Variants in FAT3 observed in about 807,000 individuals in gnomAD.
FAT3 encodes the protein protocadherin Fat 3.
A neutral mutation model predicts 310.2 loss-of-function variants in FAT3; 95 were observed. The observed-to-expected ratio is 0.31, with a 90% CI of 0.26 to 0.36. FAT3 has a LOEUF of 0.36. Ranked by LOEUF, FAT3 falls within the 10% of genes least tolerant of loss-of-function variation. FAT3 has a pLI of 1.00. For missense variants in FAT3, 5,408 were observed against 5,715.6 expected, an observed-to-expected ratio of 0.95 and a Z score of 1.74; for synonymous variants, 2,314 against 2,192.9, an observed-to-expected ratio of 1.06 and a Z score of -1.54.
At position 92,806,348 on chromosome 11, in the gene FAT3, T is replaced by C; in HGVS notation, c.9094-14T>C. ...ATACTAATGATTTTATTACCTTTCT[T>C]CACCTTTGTCCAGGTTGCATATACA... is the stretch of plus-strand genomic sequence containing the variant. On this transcript the variant is annotated splice_polypyrimidine_tract_variant and intron_variant, in intron 11 of 27. Coordinates refer to ENST00000525166, the MANE Select transcript of FAT3 (RefSeq NM_001367949.2). The C allele has an allele frequency of 1.3e-6, 2 of 1,590,750 alleles. No individual in the cohort carries two copies. Among genetic ancestry groups the C allele is most frequent in the East Asian group, 2.2e-5 (1 of 44,470 alleles).
chr11:92,635,291 A>G (rs915650282), intron 3 of FAT3, among the ~76,000 whole-genome samples: 10 of 152,172 alleles, frequency 6.6e-5, no homozygotes, highest in Middle Eastern at 3.4e-3. Flanking sequence ...TTAAGACAAA[A>G]TTTTCAGCAG....
intron 3 of FAT3, among the ~76,000 whole-genome samples, chr11:92,622,249 A>G (rs1773497401): frequency 6.6e-6 from 1 of 150,962 alleles, no homozygotes; most frequent in South Asian, 2.1e-4. Context: ...ATGCCACTGG[A>G]CTCCAGCATA....
Position 92,355,155 on chromosome 11 carries a change from A to G in FAT3, c.3043A>G (p.Lys1015Glu). 2 of 1,613,800 alleles carry G rather than the reference A, an allele frequency of 1.2e-6. No homozygotes were observed. The highest frequency in any genetic ancestry group is 1.7e-6 in the Non-Finnish European group (2 of 1,179,840). ...TAACCTTACTGTGCGGGCCAAAGAC[A>G]AAGGGCGGCCTGTCTCTCTGTCATC... ...FYNLTVRAKD[K>E]GRPVSLSSVS... Residue 1015 changes from lysine (K) to glutamate (E), a missense_variant, in exon 2 of 28, where the codon AAA becomes GAA. Physicochemically the swap from Lys to Glu is moderately conservative, Grantham distance 56. Around this residue, in one of 5 missense-constraint regions of FAT3, gnomAD observed 4,588 missense variants for 4,809.8 expected, o/e 0.95. Transcript: ENST00000525166.
intron 2 of FAT3, among the ~76,000 whole-genome samples, chr11:92,442,109 A>ATTTTTTTTTTT (rs1258493776): frequency 1.8e-4 from 9 of 50,084 alleles, no homozygotes; most frequent in African/African-American, 1.3e-3. Flanking sequence ...ATATATATAT[A>ATTTTTTTTTTT]TATTTTTTTT....
intron 14 of FAT3, among the ~76,000 whole-genome samples, chr11:92,832,411 T>G (rs1484152956): frequency 6.6e-6 from 1 of 151,976 alleles, no homozygotes. Context: ...CAGCCCTTCT[T>G]GGTGGACTCT....
At chr11:92,806,609 TATACTTACTCTTATAGG>T in intron 12 of FAT3, 94 bp downstream of exon 12, 1 of 1,062,548 alleles carries the variant, frequency 9.4e-7, no homozygotes, top group Non-Finnish European at 1.3e-6. Flanking sequence ...TAGTTAGTAG[TATACTTACTCTTATAGG>T]GATGGAGGGA....
intron 4 of FAT3, among the ~76,000 whole-genome samples, chr11:92,736,370 A>G (rs1017403425): frequency 4.6e-5 from 7 of 152,292 alleles, no homozygotes; most frequent in African/African-American, 1.7e-4. Flanking sequence ...AGAGCAAGCC[A>G]TAATTCCTCA....
At chr11:92,720,497 A>G (rs1269590853) in intron 4 of FAT3, among the ~76,000 whole-genome samples, 1 of 152,210 alleles carries the variant, frequency 6.6e-6, no homozygotes, top group Non-Finnish European at 1.5e-5. Flanking sequence ...CATTTTTGCC[A>G]TACAGTTGGA....
At chr11:92,712,350 C>T (rs756048407) in intron 4 of FAT3, among the ~76,000 whole-genome samples, 1 of 152,132 alleles carries the variant, frequency 6.6e-6, no homozygotes, top group African/African-American at 2.4e-5. Context: ...TCTCTGCACT[C>T]AGAGAAACCC....
At chr11:92,470,772 C>G (rs765039580) in intron 2 of FAT3, among the ~76,000 whole-genome samples, 2 of 152,172 alleles carry the variant, frequency 1.3e-5, no homozygotes, top group Non-Finnish European at 2.9e-5. Context: ...TAATCTGGTA[C>G]TTTTCAAAAT....
At chr11:92,255,398 C>G (rs1458415583) in intron 1 of FAT3, among the ~76,000 whole-genome samples, 6 of 149,606 alleles carry the variant, frequency 4.0e-5, no homozygotes, top group African/African-American at 1.5e-4. Context: ...TGGGCAGATA[C>G]AACATTTGTC....
At chr11:92,291,148 C>G (rs972018579) in intron 1 of FAT3, among the ~76,000 whole-genome samples, 7 of 149,842 alleles carry the variant, frequency 4.7e-5, no homozygotes, top group Non-Finnish European at 1.0e-4. Context: ...TGGGTATTTT[C>G]TCCATTTTTC....
chr11:92,242,618 A>G (rs1334033943), intron 1 of FAT3, among the ~76,000 whole-genome samples: 1 of 152,030 alleles, frequency 6.6e-6, no homozygotes. Context: ...TCTGTGGATG[A>G]AATGAGACCT....
At chr11:92,718,364 A>G (rs954808884) in intron 4 of FAT3, among the ~76,000 whole-genome samples, 3 of 152,070 alleles carry the variant, frequency 2.0e-5, no homozygotes, top group African/African-American at 7.2e-5. Context: ...TTGGGGTTAT[A>G]TGGTGGGTGG....
At chr11:92,533,728 A>C (rs555570184) in intron 3 of FAT3, among the ~76,000 whole-genome samples, 115 of 152,236 alleles carry the variant, frequency 7.6e-4, no homozygotes, top group African/African-American at 2.7e-3. Flanking sequence ...AGTTCATTCT[A>C]GGAGGAGAAT....
rs1204301527 is a variant in FAT3, at chr11:92,891,751, A to G, written c.*638A>G. 1 of 154,016 alleles carries G rather than the reference A, an allele frequency of 6.5e-6. No homozygotes were observed. The highest frequency in any genetic ancestry group is 1.4e-5 in the Non-Finnish European group (1 of 69,216). The allele number at this position is 154,016 out of a possible 1,614,324, so 9.5% of individuals were successfully genotyped here. On this transcript the variant is annotated 3_prime_UTR_variant, in exon 28 of 28. Transcript: ENST00000525166. ...GTTTGTGTTAAGCATCCAATCTAAT[A>G]TAGTTGGGTTTTATGATCTTCAAGA... is the stretch of plus-strand genomic sequence containing the variant.
chr11:92,435,892 G>A (rs550085604), intron 2 of FAT3, among the ~76,000 whole-genome samples: 33 of 151,942 alleles, frequency 2.2e-4, no homozygotes, highest in Non-Finnish European at 3.8e-4. Flanking sequence ...TACCTATTCT[G>A]TGTCTAGTAC....
intron 1 of FAT3, chr11:92,336,249 T>A: frequency 1.8e-6 from 1 of 557,484 alleles, no homozygotes. Context: ...GTTCCAGATG[T>A]CCAAAATGGG....
intron 2 of FAT3, among the ~76,000 whole-genome samples, chr11:92,437,898 A>G (rs685941): frequency 0.87 from 132,419 of 152,012 alleles, 57,756 homozygotes; most frequent in African/African-American, 0.89. Context: ...TGGTGGGAGA[A>G]AGAGAGACAC....
Sources: allele counts gnomAD v4.1 joint callset (sites outside exome capture counted in the v4.1 genomes callset), GRCh38; gene constraint gnomAD v4.1.1; regional missense constraint gnomAD v4.1.1; transcripts MANE v1.5; gene names NCBI Gene and HGNC (gene_info 2026-07-23, HGNC 2026-07-21).